RABGAP1L: variants seen among roughly 807,000 people sequenced by gnomAD.
The protein encoded by RABGAP1L is RAB GTPase activating protein 1 like.
Under a neutral mutation model 137.7 loss-of-function variants are expected in RABGAP1L, and 63 were observed. The observed-to-expected ratio is 0.46, with a 90% confidence interval of 0.37 to 0.56. The LOEUF (loss-of-function observed/expected upper bound fraction) is 0.56, where lower values mean the gene tolerates loss of function less well. RABGAP1L is among the 20% of genes least tolerant of loss of function. RABGAP1L has a pLI of 0.00. For synonymous variants in RABGAP1L, 431 were observed against 433.7 expected (o/e 0.99, Z 0.08); for missense variants, 1,095 against 1,244.0 (o/e 0.88, Z 1.80).
intron 7 of RABGAP1L, among the ~76,000 whole-genome samples, chr1:174,268,482 C>T (rs1003493061): frequency 3.6e-4 from 55 of 152,200 alleles, no homozygotes; most frequent in African/African-American, 1.3e-3. Flanking sequence ...GGATTACAAG[C>T]GTGAGCCACT....
At position 174,568,120 on chromosome 1, in the gene RABGAP1L, A is replaced by G. The variant is rs75477219; in HGVS notation, c.1711-69255A>G. On this transcript the variant is annotated intron_variant, in intron 13 of 25. Transcript: ENST00000681986. The stretch of plus-strand genomic sequence containing the variant: ...TGAGGACCCCAGGAAGCTTTCAGTC[A>G]TGGCAGAAGGTGAAGGGGAGCCAGC... Among the ~76,000 whole-genome samples the G allele has an allele frequency of 6.7e-3, 1,026 of 152,278 alleles. 13 individuals are homozygous for G. Among genetic ancestry groups the G allele is most frequent in the African/African-American group, 0.024 (989 of 41,556 alleles).
At chr1:174,220,466 A>G (rs1669673632) in intron 2 of RABGAP1L, among the ~76,000 whole-genome samples, 1 of 152,120 alleles carries the variant, frequency 6.6e-6, no homozygotes, top group African/African-American at 2.4e-5. Flanking sequence ...TAAGGAGCTC[A>G]AGACCAGCCT....
At chr1:174,377,674 C>A (rs548023205) in intron 12 of RABGAP1L, among the ~76,000 whole-genome samples, 12 of 151,466 alleles carry the variant, frequency 7.9e-5, no homozygotes, top group African/African-American at 2.9e-4. Flanking sequence ...ATACCCACTA[C>A]GATGTCAATC....
chr1:174,439,394 G>T (rs1653865588), intron 13 of RABGAP1L, among the ~76,000 whole-genome samples: 3 of 152,178 alleles, frequency 2.0e-5, no homozygotes, highest in Admixed American at 2.0e-4. Context: ...TTTCACTTCA[G>T]AGGGTTTATT....
chr1:174,360,711 C>T (rs1182641771), intron 11 of RABGAP1L, among the ~76,000 whole-genome samples: 1 of 152,182 alleles, frequency 6.6e-6, no homozygotes, highest in Non-Finnish European at 1.5e-5. Context: ...AGACTGACTC[C>T]TCCCATCCCA....
At chr1:174,510,164 T>G (rs1277847110) in intron 13 of RABGAP1L, among the ~76,000 whole-genome samples, 1 of 152,196 alleles carries the variant, frequency 6.6e-6, no homozygotes, top group Non-Finnish European at 1.5e-5. Context: ...CCTGTCCCAG[T>G]TTAGCTCTTT....
Position 174,948,508 on chromosome 1 carries a change from TC to T in RABGAP1L, c.2341-8948del, listed in dbSNP as rs1309727504. Among the ~76,000 whole-genome samples, 5 of 33,886 alleles carry T rather than the reference TC, an allele frequency of 1.5e-4. 1 individual carries two copies. The highest frequency in any genetic ancestry group is 1.3e-4 in the Non-Finnish European group (3 of 22,732). 22.2% of individuals were successfully genotyped at this position (33,886 alleles called of 152,430 possible). On this transcript the variant is annotated intron_variant, in intron 19 of 25. Transcript: ENST00000681986. Reference sequence around the variant, plus strand: ...CGCAGCCACAGAGCGAGACCCTGCCTCAAAAAAAAAAAAAAAAAAAAAAAGG... The same window carrying T: ...CGCAGCCACAGAGCGAGACCCTGCCTAAAAAAAAAAAAAAAAAAAAAAAGG...
In RABGAP1L at chr1:174,965,850, G is replaced by A. The variant is rs187791147; in HGVS notation, c.2434-3427G>A. On this transcript the variant is annotated intron_variant, in intron 20 of 25. Coordinates refer to ENST00000681986, the MANE Select transcript of RABGAP1L (RefSeq NM_001366446.1). The stretch of plus-strand genomic sequence containing the variant: ...CGTGCCCTCTAGGCTATTTTGCTTT[G>A]CAGGGACTCTGAGACACTCAGTTTC... 3.9e-3 allele frequency among the ~76,000 whole-genome samples: 592 copies of A among 152,272 alleles called. 2 individuals are homozygous for A. Among genetic ancestry groups the A allele is most frequent in the Middle Eastern group, 0.014 (4 of 294 alleles).
chr1:174,590,123 CTTTTTTTTTTTTTTTTTT>C (rs1166364912), intron 13 of RABGAP1L, among the ~76,000 whole-genome samples: 1 of 59,802 alleles, frequency 1.7e-5, no homozygotes, highest in African/African-American at 6.4e-5. Flanking sequence ...TCTTCAGTTT[CTTTTTTTTTTTTTTTTTT>C]TTTTTTTTTT....
chr1:174,597,566 A>T (rs115740849), intron 13 of RABGAP1L, among the ~76,000 whole-genome samples: 2,709 of 151,648 alleles, frequency 0.018, 68 homozygotes, highest in African/African-American at 0.062. Flanking sequence ...ATTTTTTTTT[A>T]ATCTCTGATT....
At chr1:174,344,645 T>A (rs1234527338) in intron 11 of RABGAP1L, among the ~76,000 whole-genome samples, 2 of 152,238 alleles carry the variant, frequency 1.3e-5, no homozygotes, top group Non-Finnish European at 2.9e-5. Context: ...ATCCCTATAA[T>A]ACCTTGTGAG....
chr1:174,379,031 T>G (rs1339369925), intron 12 of RABGAP1L, among the ~76,000 whole-genome samples: 2 of 138,216 alleles, frequency 1.4e-5, no homozygotes, highest in Non-Finnish European at 3.1e-5. Context: ...CAGCACCATT[T>G]ATTAAATAGG....
At chr1:174,633,834 T>C (rs1408725740) in intron 13 of RABGAP1L, among the ~76,000 whole-genome samples, 5 of 129,428 alleles carry the variant, frequency 3.9e-5, no homozygotes, top group South Asian at 2.6e-4. Context: ...TAGCCATATG[T>C]AGAAAGCTGA....
chr1:174,791,372 T>C (rs772340843), intron 18 of RABGAP1L, among the ~76,000 whole-genome samples: 1 of 152,164 alleles, frequency 6.6e-6, no homozygotes, highest in Non-Finnish European at 1.5e-5. Context: ...ATGAAGATGT[T>C]AGAGATTGCA....
At chr1:174,321,493 T>C (rs1302645012) in intron 11 of RABGAP1L, among the ~76,000 whole-genome samples, 1 of 152,180 alleles carries the variant, frequency 6.6e-6, no homozygotes, top group African/African-American at 2.4e-5. Context: ...TCCCAGCTTT[T>C]AAATATCTCT....
chr1:174,979,064 A>G (rs1335012908), intron 23 of RABGAP1L, among the ~76,000 whole-genome samples, 174 bp downstream of exon 23: 1 of 152,174 alleles, frequency 6.6e-6, no homozygotes, highest in African/African-American at 2.4e-5. Flanking sequence ...ATGTGCCGGT[A>G]GTCCCAGCTA....
intron 12 of RABGAP1L, among the ~76,000 whole-genome samples, chr1:174,377,614 C>A (rs1438603586): frequency 6.6e-6 from 1 of 152,098 alleles, no homozygotes; most frequent in East Asian, 1.9e-4. Context: ...TGCTCAATAT[C>A]ATTAACCATC....
chr1:174,391,613 A>T (rs1034070699), intron 12 of RABGAP1L, among the ~76,000 whole-genome samples: 1 of 152,170 alleles, frequency 6.6e-6, no homozygotes, highest in Non-Finnish European at 1.5e-5. Flanking sequence ...AAGTGCTGGG[A>T]TTATGGATAT....
chr1:174,422,133 A>G (rs1396117204), intron 13 of RABGAP1L, among the ~76,000 whole-genome samples: 1 of 152,180 alleles, frequency 6.6e-6, no homozygotes, highest in Admixed American at 6.5e-5. Flanking sequence ...GTTGTTGCAT[A>G]GGTACCCGTA....
Sources: gnomAD v4.1 joint callset for allele counts (sites outside exome capture counted in the v4.1 genomes callset) on GRCh38, gnomAD v4.1.1 for gene constraint, MANE v1.5 for transcripts, NCBI Gene and HGNC (gene_info 2026-07-23, HGNC 2026-07-21) for gene names.